Variants in BEND6 observed in about 807,000 individuals in gnomAD.
BEND6 encodes the protein BEN domain-containing protein 6.
In BEND6, 24 loss-of-function variants were observed where a neutral mutation model predicts 31.8. The observed-to-expected ratio is 0.75, with a 90% CI of 0.55 to 1.06. BEND6 has a LOEUF of 1.06. BEND6 is among the 50% of genes least tolerant of loss of function. The pLI, the probability that BEND6 is intolerant of heterozygous loss-of-function variation, is 0.00. For missense variants in BEND6, 294 were observed against 327.4 expected, an observed-to-expected ratio of 0.90 and a Z score of 0.79; for synonymous variants, 109 against 114.6, an observed-to-expected ratio of 0.95 and a Z score of 0.31.
At chr6:56,964,743 C>T (rs1359494254) in intron 1 of BEND6, among the ~76,000 whole-genome samples, 1 of 152,210 alleles carries the variant, frequency 6.6e-6, no homozygotes, top group Non-Finnish European at 1.5e-5. Flanking sequence ...GCAATCCTCC[C>T]ACCTCTGTCT....
intron 1 of BEND6, among the ~76,000 whole-genome samples, chr6:56,967,287 A>C (rs577450616): frequency 6.6e-6 from 1 of 152,210 alleles, no homozygotes; most frequent in African/African-American, 2.4e-5. Context: ...TAGGGAAACC[A>C]TGAGAGATCA....
chr6:57,016,823 A>T (rs1276883571), intron 4 of BEND6, among the ~76,000 whole-genome samples: 2 of 152,160 alleles, frequency 1.3e-5, no homozygotes, highest in Non-Finnish European at 2.9e-5. Context: ...TTGCCCTGTG[A>T]GGCAACGTGT....
At position 56,992,433 on chromosome 6, in the gene BEND6, A is replaced by G. The variant is rs1826539388; in HGVS notation, c.176A>G (p.Glu59Gly). 1 of 1,614,108 alleles carries G rather than the reference A, an allele frequency of 6.2e-7. No homozygotes were observed. The highest frequency in any genetic ancestry group is 2.2e-5 in the East Asian group (1 of 44,888). ...FLPGESSSEDEEPLAELSKEE... is the reference protein window; with the variant it reads ...FLPGESSSEDGEPLAELSKEE... Reference sequence around the variant, plus strand: ...CCTGGTGAAAGCTCCAGTGAGGATGAAGAGCCTTTAGCAGAATTGTCAAAG... The same window carrying G: ...CCTGGTGAAAGCTCCAGTGAGGATGGAGAGCCTTTAGCAGAATTGTCAAAG... Residue 59 changes from glutamate (E) to glycine (G), a missense_variant, in exon 3 of 7, where the codon GAA (glutamate) becomes GGA (glycine). Transcript: ENST00000370746.
In BEND6 at chr6:56,981,924, A is replaced by T; in HGVS notation, c.114A>T (p.Lys38Asn). The change falls in exon 2 of 7, where the codon AAA (lysine) becomes AAT (asparagine). Residue 38 changes from lysine (K) to asparagine (N), a missense_variant. Transcript: ENST00000370746. ...AAAATGCAAATAGTGACATGGATAA[A>T]GGACAGGTTGGTTTTTTGTTACCTT... is the stretch of plus-strand genomic sequence containing the variant. Reference protein sequence around the residue: ...DSENANSDMDKGQRDPYSGNA... With the variant: ...DSENANSDMDNGQRDPYSGNA... 1.2e-6 allele frequency: 2 copies of T among 1,606,192 alleles called. No individual in the cohort carries two copies. The highest frequency in any genetic ancestry group is 4.5e-5 in the East Asian group (2 of 44,458).
At position 56,963,460 on chromosome 6, in the gene BEND6, C is replaced by T. The variant is rs535189928; in HGVS notation, c.-101+8000C>T. 1.1e-4 allele frequency among the ~76,000 whole-genome samples: 17 copies of T among 152,300 alleles called. No homozygotes were observed. In the South Asian group the frequency reaches 3.5e-3, roughly 32 times the overall value. On this transcript the variant is annotated intron_variant, in intron 1 of 6. Transcript: ENST00000370746. ...TTCATTGCCATGTCTCCATCATTAT[C>T]GCTTGGGTAAATTTGACCCAGCATC...
intron 1 of BEND6, among the ~76,000 whole-genome samples, chr6:56,980,362 G>T (rs1826026146): frequency 6.6e-6 from 1 of 151,990 alleles, no homozygotes; most frequent in Non-Finnish European, 1.5e-5. Flanking sequence ...CTAATTTTTG[G>T]TATTTTAGTA....
chr6:56,965,453 T>C (rs1023126007), intron 1 of BEND6, among the ~76,000 whole-genome samples: 2 of 152,066 alleles, frequency 1.3e-5, no homozygotes, highest in African/African-American at 4.8e-5. Flanking sequence ...GGCTCATACC[T>C]GTAACACCAG....
chr6:56,988,209 G>A (rs1301694509), intron 2 of BEND6, among the ~76,000 whole-genome samples: 1 of 151,686 alleles, frequency 6.6e-6, no homozygotes, highest in African/African-American at 2.4e-5. Flanking sequence ...GTTGAGACGG[G>A]GTTTCACCAT....
In BEND6 at chr6:57,026,819, T is replaced by C. The variant is rs1472627779; in HGVS notation, c.*747T>C. The C allele has an allele frequency of 6.6e-6, 1 of 152,202 alleles. No homozygotes were observed. Among genetic ancestry groups the C allele is most frequent in the African/African-American group, 2.4e-5 (1 of 41,442 alleles). 9.4% of individuals were successfully genotyped at this position (152,202 alleles called of 1,614,324 possible). A position where few individuals can be genotyped will look rare whatever the true frequency, so the allele number is the denominator to read the frequency against. Reference sequence around the variant, plus strand: ...TCAGGGAAATCTTTTTGTTTGTTTATTTACCAGACATGTTCTAACTTTGTA... The same window carrying C: ...TCAGGGAAATCTTTTTGTTTGTTTACTTACCAGACATGTTCTAACTTTGTA... On this transcript the variant is annotated 3_prime_UTR_variant, in exon 7 of 7. Coordinates refer to ENST00000370746, the MANE Select transcript of BEND6 (RefSeq NM_152731.3).
chr6:56,982,917 G>T (rs1161947113), intron 2 of BEND6, among the ~76,000 whole-genome samples: 3 of 152,020 alleles, frequency 2.0e-5, no homozygotes, highest in African/African-American at 7.2e-5. Context: ...AATATATTTT[G>T]AAGGTATTTC....
intron 1 of BEND6, among the ~76,000 whole-genome samples, chr6:56,956,155 C>G (rs1824908091): frequency 6.6e-6 from 1 of 152,226 alleles, no homozygotes; most frequent in Non-Finnish European, 1.5e-5. Context: ...TTCATTTACT[C>G]GCATAAGAAA....
chr6:56,994,457 CAAAAAAAAAAAAA>C (rs67871242), intron 3 of BEND6, among the ~76,000 whole-genome samples: 2 of 54,858 alleles, frequency 3.6e-5, no homozygotes, highest in African/African-American at 8.7e-5. Flanking sequence ...GACTCCATCT[CAAAAAAAAAAAAA>C]AAAAAAAAAA....
Position 57,015,321 on chromosome 6 carries a change from C to G in BEND6, c.487C>G (p.Pro163Ala). ...SNSSSPVSLK[P>A]EEEHQTDEKQ... ...CTCCAGTTCACCAGTTTCCTTAAAG[C>G]CTGAGGAAGAGCATCAGACTGATGA... Residue 163 changes from proline (P) to alanine (A), a missense_variant, in exon 4 of 7, where the codon CCT (proline) becomes GCT (alanine). Pro to Ala is a conservative substitution (Grantham distance 27, BLOSUM62 -1). Coordinates refer to ENST00000370746, the MANE Select transcript of BEND6 (RefSeq NM_152731.3). 6.2e-7 allele frequency: 1 copy of G among 1,613,890 alleles called. No homozygotes were observed. Among genetic ancestry groups the G allele is most frequent in the Non-Finnish European group, 8.5e-7 (1 of 1,179,878 alleles).
chr6:57,023,471 C>A (rs960395030), intron 6 of BEND6, among the ~76,000 whole-genome samples: 2 of 152,160 alleles, frequency 1.3e-5, no homozygotes, highest in Non-Finnish European at 2.9e-5. Flanking sequence ...CATCACGTAT[C>A]TATTTCTACA....
rs1827933707 is a variant in BEND6, at chr6:57,027,314, T to C, written c.*1242T>C. 1.3e-5 allele frequency: 2 copies of C among 152,234 alleles called. No individual in the cohort carries two copies. The highest frequency in any genetic ancestry group is 4.1e-4 in the South Asian group (2 of 4,836). The allele number at this position is 152,234 out of a possible 1,614,324, so 9.4% of individuals were successfully genotyped here. On this transcript the variant is annotated 3_prime_UTR_variant, in exon 7 of 7. Transcript: ENST00000370746. ...TTATGTAACATTTGCTACCTTTATG[T>C]AAACATAAATAAATCCCATTTAAAA...
At chr6:56,975,375 A>G (rs1592979264) in intron 1 of BEND6, among the ~76,000 whole-genome samples, 1 of 152,218 alleles carries the variant, frequency 6.6e-6, no homozygotes, top group African/African-American at 2.4e-5. Flanking sequence ...CATCGTTAGT[A>G]TATCAATAGG....
At chr6:57,015,438 A>G (rs1003218082) in intron 4 of BEND6, 85 bp downstream of exon 4, 7 of 1,209,350 alleles carry the variant, frequency 5.8e-6, no homozygotes, top group Admixed American at 2.0e-5. Context: ...TCATTGTTTT[A>G]TCAGATAACT....
At chr6:56,976,665 A>G (rs1410017992) in intron 1 of BEND6, among the ~76,000 whole-genome samples, 2 of 151,962 alleles carry the variant, frequency 1.3e-5, no homozygotes, top group African/African-American at 2.4e-5. Flanking sequence ...CCTGGGTTCA[A>G]GCGATTCCCC....
chr6:56,974,967 A>G (rs1825821500), intron 1 of BEND6, among the ~76,000 whole-genome samples: 1 of 152,088 alleles, frequency 6.6e-6, no homozygotes, highest in African/African-American at 2.4e-5. Flanking sequence ...CAAAAATACA[A>G]AATTAGTCGG....
Sources: allele counts gnomAD v4.1 joint callset (sites outside exome capture counted in the v4.1 genomes callset), GRCh38; gene constraint gnomAD v4.1.1; transcripts MANE v1.5; gene names NCBI Gene and HGNC (gene_info 2026-07-23, HGNC 2026-07-21).